The following SUCLA2 variants were observed in gnomAD, a reference collection of about 807,000 sequenced individuals.
SUCLA2 encodes the protein succinate--CoA ligase [ADP-forming] subunit beta, mitochondrial.
Under a neutral mutation model 54.8 loss-of-function variants are expected in SUCLA2, and 30 were observed. The ratio of observed to expected loss-of-function variants is 0.55; its 90% confidence interval spans 0.41 to 0.74. The LOEUF is 0.74. Among genes scored for constraint, SUCLA2 ranks in the 30% least tolerant of loss-of-function variants. The probability of loss-of-function intolerance (pLI) is 0.00; values close to 1 mark genes in which losing one functional copy is unlikely to be tolerated. For synonymous variants in SUCLA2, 172 were observed against 188.9 expected (o/e 0.91, Z 0.74); for missense variants, 476 against 562.9 (o/e 0.85, Z 1.56).
intron 6 of SUCLA2, among the ~76,000 whole-genome samples, chr13:47,963,667 A>G (rs1391956093): frequency 6.6e-6 from 1 of 151,836 alleles, no homozygotes; most frequent in Non-Finnish European, 1.5e-5. Context: ...CAAAAAAAAA[A>G]ACAGACATAA....
chr13:47,962,234 G>A (rs113339359), intron 6 of SUCLA2, among the ~76,000 whole-genome samples: 1,814 of 152,220 alleles, frequency 0.012, 15 homozygotes, highest in Non-Finnish European at 0.02. Context: ...ACTTTAATAA[G>A]TAGAATTTGA....
intron 4 of SUCLA2, among the ~76,000 whole-genome samples, chr13:47,975,183 T>C (rs1482421896): frequency 6.7e-6 from 1 of 148,202 alleles, no homozygotes; most frequent in African/African-American, 2.5e-5. Context: ...TTTTTTTATC[T>C]GGAGTGTCGT....
intron 9 of SUCLA2, among the ~76,000 whole-genome samples, 162 bp downstream of exon 9, chr13:47,949,321 C>T (rs1387676953): frequency 6.6e-6 from 1 of 152,062 alleles, no homozygotes; most frequent in Non-Finnish European, 1.5e-5. Flanking sequence ...AAACATTTTG[C>T]CCCAATGTTA....
chr13:47,972,286 C>A (rs181243551), intron 5 of SUCLA2, among the ~76,000 whole-genome samples: 2 of 151,770 alleles, frequency 1.3e-5, no homozygotes, highest in Non-Finnish European at 2.9e-5. Flanking sequence ...AATGAAGAAC[C>A]GTATTTGGAT....
At chr13:47,979,424 G>A (rs555640111) in intron 4 of SUCLA2, among the ~76,000 whole-genome samples, 9 of 152,220 alleles carry the variant, frequency 5.9e-5, no homozygotes, top group African/African-American at 2.2e-4. Flanking sequence ...CATCATAAGT[G>A]GGAGTTGAAC....
At chr13:47,961,209 C>T (rs1053550514) in intron 6 of SUCLA2, among the ~76,000 whole-genome samples, 2 of 151,916 alleles carry the variant, frequency 1.3e-5, no homozygotes, top group African/African-American at 4.8e-5. Flanking sequence ...TGCTTTTGAA[C>T]AAAATGTTTG....
In SUCLA2 at chr13:47,985,327, C is replaced by T. The variant is rs1163409767; in HGVS notation, c.534+3214G>A. On this transcript the variant is annotated intron_variant, in intron 4 of 10. Coordinates refer to ENST00000646932, the MANE Select transcript of SUCLA2 (RefSeq NM_003850.3). Reference sequence around the variant, plus strand: ...CATGGTGGTGTGCTGTACAGATCATCCCATCACCCAGGTATTAAGCCCAAC... The same window carrying T: ...CATGGTGGTGTGCTGTACAGATCATTCCATCACCCAGGTATTAAGCCCAAC... Among the ~76,000 whole-genome samples, 3 of 152,146 alleles carry T rather than the reference C, an allele frequency of 2.0e-5. No individual in the cohort carries two copies. The East Asian group carries it at 5.8e-4, about 29-fold the overall frequency.
chr13:47,944,853 G>T (rs1209567230), intron 10 of SUCLA2, among the ~76,000 whole-genome samples: 4 of 152,030 alleles, frequency 2.6e-5, no homozygotes, highest in African/African-American at 9.7e-5. Flanking sequence ...CCAAGCCTGG[G>T]GGCTCATGCT....
intron 10 of SUCLA2, among the ~76,000 whole-genome samples, chr13:47,944,142 CCT>C (rs1309824247): frequency 6.6e-6 from 1 of 152,042 alleles, no homozygotes; most frequent in Non-Finnish European, 1.5e-5. Context: ...GCAAATCCCC[CCT>C]CTGATGCTTA....
chr13:47,957,966 T>C (rs987648195), intron 6 of SUCLA2, among the ~76,000 whole-genome samples: 4 of 152,160 alleles, frequency 2.6e-5, no homozygotes, highest in African/African-American at 9.7e-5. Context: ...TCATGAGAAA[T>C]TAGAATTTGG....
At chr13:48,000,204 G>C (rs1593507913) in intron 1 of SUCLA2, among the ~76,000 whole-genome samples, 1 of 151,362 alleles carries the variant, frequency 6.6e-6, no homozygotes, top group East Asian at 1.9e-4. Flanking sequence ...TGTATGAAGA[G>C]TTACTTCAGA....
chr13:47,980,957 T>TA (rs34309171), intron 4 of SUCLA2, among the ~76,000 whole-genome samples: 2,307 of 152,204 alleles, frequency 0.015, 52 homozygotes, highest in African/African-American at 0.052. Flanking sequence ...CAAAATAGAT[T>TA]AAAGACCTAA....
At chr13:47,968,194 T>C (rs1416128158) in intron 6 of SUCLA2, among the ~76,000 whole-genome samples, 1 of 152,228 alleles carries the variant, frequency 6.6e-6, no homozygotes, top group African/African-American at 2.4e-5. Context: ...ATGTTCTGTG[T>C]GTGTGCTCTT....
At chr13:48,000,328 A>T (rs1950220524) in intron 1 of SUCLA2, among the ~76,000 whole-genome samples, 3 of 152,238 alleles carry the variant, frequency 2.0e-5, no homozygotes. Context: ...AGCCAACTCA[A>T]GTACACGGCT....
chr13:47,973,314 TA>T lies in SUCLA2; in HGVS notation c.612del (p.Glu206AsnfsTer43). Reference protein sequence around the residue: ...DVAAESPEAIIKEPIDIEEGI... With the variant: ...DVAAESPEAIXKEPIDIEEGI... ...CCTTCTTCAATATCAATAGGTTCTT[TA>T]ATTATTGCTTCAGGAGACTCAGCAG... On this transcript the variant is annotated frameshift_variant, in exon 5 of 11. Coordinates refer to ENST00000646932, the MANE Select transcript of SUCLA2 (RefSeq NM_003850.3). LOFTEE classifies it high-confidence loss of function. 6.2e-7 allele frequency: 1 copy of T among 1,613,524 alleles called. No individual in the cohort carries two copies. The highest frequency in any genetic ancestry group is 8.5e-7 in the Non-Finnish European group (1 of 1,179,592).
intron 10 of SUCLA2, among the ~76,000 whole-genome samples, chr13:47,943,866 T>G (rs978998905): frequency 6.6e-6 from 1 of 151,680 alleles, no homozygotes; most frequent in African/African-American, 2.4e-5. Flanking sequence ...AGTAAAAATT[T>G]GTTTTGAAAT....
At chr13:47,943,516 T>C (rs1949701958) in intron 10 of SUCLA2, 71 bp from the exon 11 acceptor site, 2 of 1,384,556 alleles carry the variant, frequency 1.4e-6, no homozygotes, top group Admixed American at 1.7e-5. Flanking sequence ...AAAATTAATG[T>C]ACACTCAATT....
At chr13:47,947,453 T>G (rs1460656215) in intron 10 of SUCLA2, among the ~76,000 whole-genome samples, 2 of 152,158 alleles carry the variant, frequency 1.3e-5, no homozygotes, top group African/African-American at 4.8e-5. Context: ...CTATGCAAAA[T>G]GTACTCCATG....
Position 48,000,946 on chromosome 13 carries a change from C to A in SUCLA2, c.90+234G>T, listed in dbSNP as rs1403675760. 13 of 1,399,678 alleles carry A rather than the reference C, an allele frequency of 9.3e-6. No homozygotes were observed. In the African/African-American group the frequency reaches 1.2e-4, roughly 13 times the overall value. 86.7% of individuals were successfully genotyped at this position (1,399,678 alleles called of 1,614,324 possible). On this transcript the variant is annotated intron_variant, in intron 1 of 10. Coordinates refer to ENST00000646932, the MANE Select transcript of SUCLA2 (RefSeq NM_003850.3). Reference sequence around the variant, plus strand: ...CTCTTAGAAACTGCAGGAGCAGCCACGGCCGGGCCGCCGGGGATCCTCGCG... The same window carrying A: ...CTCTTAGAAACTGCAGGAGCAGCCAAGGCCGGGCCGCCGGGGATCCTCGCG...
Sources: allele counts gnomAD v4.1 joint callset (sites outside exome capture counted in the v4.1 genomes callset), GRCh38; gene constraint gnomAD v4.1.1; transcripts MANE v1.5; gene names NCBI Gene and HGNC (gene_info 2026-07-23, HGNC 2026-07-21).